Variants in CWC25 observed in about 807,000 individuals in gnomAD.
The protein encoded by CWC25 is CWC25 spliceosome associated protein, also known as pre-mRNA-splicing factor CWC25 homolog.
In CWC25, 31 loss-of-function variants were observed where a neutral mutation model predicts 54.6. The ratio of observed to expected loss-of-function variants is 0.57; its 90% CI spans 0.43 to 0.77. CWC25 has a LOEUF of 0.77. Among genes scored for constraint, CWC25 ranks in the 30% least tolerant of loss-of-function variants. The pLI is 0.00. For missense variants in CWC25, 453 were observed against 529.3 expected, an observed-to-expected ratio of 0.86 and a Z score of 1.41; for synonymous variants, 151 against 187.0, an observed-to-expected ratio of 0.81 and a Z score of 1.57.
chr17:38,805,492 T>G (rs1911196524), intron 8 of CWC25, among the ~76,000 whole-genome samples: 1 of 152,052 alleles, frequency 6.6e-6, no homozygotes, highest in Non-Finnish European at 1.5e-5. Flanking sequence ...AAAATAATTT[T>G]TTGTAGAGAT....
intron 1 of CWC25, among the ~76,000 whole-genome samples, chr17:38,823,541 AC>A (rs1483287131): frequency 2.6e-5 from 4 of 151,732 alleles, no homozygotes; most frequent in Non-Finnish European, 5.9e-5. Flanking sequence ...GATCATGTCC[AC>A]AAGGTACTTG....
chr17:38,809,781 A>G lies in CWC25; in HGVS notation c.627-16T>C. On this transcript the variant is annotated splice_polypyrimidine_tract_variant and intron_variant, in intron 5 of 9. Transcript: ENST00000614790. ...CTTCTGTGATCTAAGAGATCAAAAT[A>G]CACACACTCATTGAAAAAGAAAATA... 7.5e-6 allele frequency: 12 copies of G among 1,610,710 alleles called. No homozygotes were observed. The highest frequency in any genetic ancestry group is 2.2e-5 in the East Asian group (1 of 44,860).
At chr17:38,819,276 TA>T (rs1911828342) in intron 2 of CWC25, among the ~76,000 whole-genome samples, 1 of 150,396 alleles carries the variant, frequency 6.6e-6, no homozygotes, top group Non-Finnish European at 1.5e-5. Flanking sequence ...CTCAGCTCAC[TA>T]AAACTTCCAA....
Position 38,802,054 on chromosome 17 carries a change from G to A in CWC25, c.*38C>T. ...GAATTAAGGGGTCAGCAGCTTCCCT[G>A]GAAAATGCAGGAAAACCAATAAGAG... is the stretch of plus-strand genomic sequence containing the variant. On this transcript the variant is annotated 3_prime_UTR_variant, in exon 10 of 10. Coordinates refer to ENST00000614790, the MANE Select transcript of CWC25 (RefSeq NM_017748.5). 7.3e-7 allele frequency: 1 copy of A among 1,369,390 alleles called. No individual in the cohort carries two copies. Among genetic ancestry groups the A allele is most frequent in the Non-Finnish European group, 1.0e-6 (1 of 963,408 alleles). 84.8% of individuals were successfully genotyped at this position (1,369,390 alleles called of 1,614,324 possible). A position where few individuals can be genotyped will look rare whatever the true frequency, so the allele number is the denominator to read the frequency against.
rs894640847 is a variant in CWC25, at chr17:38,801,850, G to A, written c.*242C>T. On this transcript the variant is annotated 3_prime_UTR_variant, in exon 10 of 10. Coordinates refer to ENST00000614790, the MANE Select transcript of CWC25 (RefSeq NM_017748.5). Reference sequence around the variant, plus strand: ...CCAGAGTGGCACAAGCACTCCCACCGAGATGGTCCAGTGCCCACCCGTTAA... The same window carrying A: ...CCAGAGTGGCACAAGCACTCCCACCAAGATGGTCCAGTGCCCACCCGTTAA... 7.9e-6 allele frequency: 3 copies of A among 380,608 alleles called. No individual in the cohort carries two copies. The highest frequency in any genetic ancestry group is 1.4e-5 in the Non-Finnish European group (3 of 211,288). 23.6% of individuals were successfully genotyped at this position (380,608 alleles called of 1,614,324 possible).
In CWC25 at chr17:38,814,867, A is replaced by G; in HGVS notation, c.422T>C (p.Ile141Thr). The G allele has an allele frequency of 6.3e-7, 1 of 1,593,460 alleles. No individual in the cohort carries two copies. The highest frequency in any genetic ancestry group is 8.6e-7 in the Non-Finnish European group (1 of 1,167,872). The change falls in exon 3 of 10, where the codon ATC becomes ACC. Residue 141 changes from isoleucine (I) to threonine (T), a missense_variant. Around this residue, in one of 2 missense-constraint regions of CWC25, gnomAD observed 444 missense variants for 499.2 expected, o/e 0.89. Coordinates refer to ENST00000614790, the MANE Select transcript of CWC25 (RefSeq NM_017748.5). ...ASKIREDPLF[I>T]IRKKEEEKKR... is the part of the protein sequence containing the mutation. ...CCTAGCCCCCCATTAGTACCTGATG[A>G]TGAAGAGTGGGTCCTCCCGGATCTT...
Position 38,806,378 on chromosome 17 carries a change from T to C in CWC25, c.920A>G (p.Asn307Ser), listed in dbSNP as rs1354838481. ...RPSKLHNSKV[N>S]RRETGQTRSP... ...CCTAGTTTGGCCTGTCTCTCTCCTG[T>C]TCACCTTAGAGTTGTGCCTGTAGCA... Residue 307 changes from asparagine (N) to serine (S), a missense_variant, in exon 8 of 10, where the codon AAC (asparagine) becomes AGC (serine). By Grantham distance (46) the Asn-to-Ser change is conservative (BLOSUM62 1). Transcript: ENST00000614790. 6 of 1,613,534 alleles carry C rather than the reference T, an allele frequency of 3.7e-6. No homozygotes were observed. Among genetic ancestry groups the C allele is most frequent in the Admixed American group, 1.7e-5 (1 of 59,940 alleles).
intron 2 of CWC25, among the ~76,000 whole-genome samples, chr17:38,818,588 C>CAAAAA (rs56382375): frequency 2.1e-5 from 1 of 48,484 alleles, no homozygotes; most frequent in Non-Finnish European, 3.4e-5. Flanking sequence ...GACTCCATCT[C>CAAAAA]AAAAAAAAAA....
intron 1 of CWC25, among the ~76,000 whole-genome samples, chr17:38,824,189 T>G (rs1341118252): frequency 6.6e-6 from 1 of 152,202 alleles, no homozygotes; most frequent in Non-Finnish European, 1.5e-5. Flanking sequence ...TTCCCAACCT[T>G]GCCCCATGCT....
chr17:38,810,218 C>T (rs1911425985), intron 5 of CWC25: 1 of 515,676 alleles, frequency 1.9e-6, no homozygotes, highest in East Asian at 3.3e-5. Context: ...ACCTACTAGG[C>T]TAAAGTCAGC....
intron 2 of CWC25, among the ~76,000 whole-genome samples, chr17:38,819,651 G>A (rs183271942): frequency 2.2e-4 from 33 of 149,918 alleles, no homozygotes; most frequent in African/African-American, 6.6e-4. Context: ...GATTACAGGC[G>A]TGAGCCACTG....
intron 1 of CWC25, among the ~76,000 whole-genome samples, chr17:38,823,005 T>G (rs769950840): frequency 2.5e-4 from 38 of 150,298 alleles, no homozygotes; most frequent in Non-Finnish European, 4.9e-4. Flanking sequence ...GCCCAGCTAA[T>G]TTTTTTTGTA....
chr17:38,814,849 C>T lies in CWC25; in HGVS notation c.428+12G>A. 1.9e-6 allele frequency: 3 copies of T among 1,602,984 alleles called. No individual in the cohort carries two copies. The highest frequency in any genetic ancestry group is 2.6e-6 in the Non-Finnish European group (3 of 1,171,454). ...TCTGTAACAAACCCCCTTCCTAGCC[C>T]CCCATTAGTACCTGATGATGAAGAG... On this transcript the variant is annotated intron_variant, in intron 3 of 9. Transcript: ENST00000614790.
intron 3 of CWC25, among the ~76,000 whole-genome samples, chr17:38,813,094 C>T (rs1374828482): frequency 6.6e-6 from 1 of 151,850 alleles, no homozygotes; most frequent in Non-Finnish European, 1.5e-5. Flanking sequence ...TTGCAGTGAG[C>T]TGAGATCGTG....
rs541645960 is a variant in CWC25, at chr17:38,815,503, G to A, written c.192-406C>T. 12 of 461,272 alleles carry A rather than the reference G, an allele frequency of 2.6e-5. No homozygotes were observed. In the East Asian group the frequency reaches 7.4e-4, roughly 29 times the overall value. 28.6% of individuals were successfully genotyped at this position (461,272 alleles called of 1,614,324 possible). On this transcript the variant is annotated intron_variant, in intron 2 of 9. Coordinates refer to ENST00000614790, the MANE Select transcript of CWC25 (RefSeq NM_017748.5). ...ACCTGGGAGGCAGAGGTTGCAGTAA[G>A]ATCACGCCACTGCACTCCAGCCTGG...
chr17:38,806,598 G>T, intron 7 of CWC25, 167 bp downstream of exon 7: 1 of 750,994 alleles, frequency 1.3e-6, no homozygotes, highest in Non-Finnish European at 2.1e-6. Flanking sequence ...GGCTTTGGAT[G>T]CCTGAGCTTT....
Position 38,802,692 on chromosome 17 carries a change from G to T in CWC25, c.1163+8C>A. The T allele has an allele frequency of 1.9e-6, 3 of 1,613,800 alleles. No individual in the cohort carries two copies. Among genetic ancestry groups the T allele is most frequent in the Non-Finnish European group, 2.5e-6 (3 of 1,179,808 alleles). ...TGAAAGACCCTGGCAGGAAGAAGAT[G>T]CACTCACTGGATGAACTTCCCATCC... is the stretch of plus-strand genomic sequence containing the variant. On this transcript the variant is annotated splice_region_variant and intron_variant, in intron 9 of 9. Transcript: ENST00000614790.
In CWC25 at chr17:38,801,951, G is replaced by T; in HGVS notation, c.*141C>A. 1 of 569,940 alleles carries T rather than the reference G, an allele frequency of 1.8e-6. No individual in the cohort carries two copies. The highest frequency in any genetic ancestry group is 3.1e-6 in the Non-Finnish European group (1 of 320,026). 35.3% of individuals were successfully genotyped at this position (569,940 alleles called of 1,614,324 possible). On this transcript the variant is annotated 3_prime_UTR_variant, in exon 10 of 10. Transcript: ENST00000614790. ...CTCTCAAAGGAAGTGAGCTGTTTCA[G>T]GACTCAATGAAGCAGGGTCACTTTG...
Position 38,810,512 on chromosome 17 carries a change from C to G in CWC25, c.582G>C (p.Ser194=), listed in dbSNP as rs369087852. The G allele has an allele frequency of 1.9e-6, 3 of 1,606,362 alleles. No homozygotes were observed. Among genetic ancestry groups the G allele is most frequent in the African/African-American group, 2.7e-5 (2 of 74,950 alleles). The part of the protein sequence containing the change: ...KKHKKHKHRS[S]SSDRSSSEDE... Reference sequence around the variant, plus strand: ...CCTCGCTGCTGGAACGATCACTACTCGAGCTTCTGTGCTTATGTTTCTTGT... The same window carrying G: ...CCTCGCTGCTGGAACGATCACTACTGGAGCTTCTGTGCTTATGTTTCTTGT... Residue 194 remains serine (S), a synonymous_variant, in exon 5 of 10, where the codon TCG becomes TCC. Coordinates refer to ENST00000614790, the MANE Select transcript of CWC25 (RefSeq NM_017748.5).
Sources: allele counts gnomAD v4.1 joint callset (sites outside exome capture counted in the v4.1 genomes callset), GRCh38; gene constraint gnomAD v4.1.1; regional missense constraint gnomAD v4.1.1; transcripts MANE v1.5; gene names NCBI Gene and HGNC (gene_info 2026-07-23, HGNC 2026-07-21).